SLC17A2: variants seen among roughly 807,000 people sequenced by gnomAD.
The protein encoded by SLC17A2 is sodium-dependent phosphate transport protein 3.
A neutral mutation model predicts 52.1 loss-of-function variants in SLC17A2; 38 were observed. The observed-to-expected ratio is 0.73, with a 90% CI of 0.56 to 0.96. The LOEUF is 0.96. Ranked by LOEUF, SLC17A2 falls within the 40% of genes least tolerant of loss-of-function variation. The pLI is 0.00. For missense variants in SLC17A2, 508 were observed against 583.9 expected, an observed-to-expected ratio of 0.87 and a Z score of 1.34; for synonymous variants, 226 against 211.9, an observed-to-expected ratio of 1.07 and a Z score of -0.58.
At chr6:25,926,658 C>T (rs1341201296) in intron 1 of SLC17A2, among the ~76,000 whole-genome samples, 1 of 152,140 alleles carries the variant, frequency 6.6e-6, no homozygotes, top group African/African-American at 2.4e-5. Context: ...AGGAAAAATC[C>T]ATATCCTAAG....
chr6:25,919,435 C>T (rs560882060), intron 5 of SLC17A2, among the ~76,000 whole-genome samples: 15 of 151,918 alleles, frequency 9.9e-5, no homozygotes, highest in South Asian at 6.2e-4. Flanking sequence ...TGGCCGGGCG[C>T]GGTGGCTCAC....
chr6:25,923,117 G>T (rs1766620395), intron 3 of SLC17A2, among the ~76,000 whole-genome samples: 1 of 152,120 alleles, frequency 6.6e-6, no homozygotes, highest in Non-Finnish European at 1.5e-5. Context: ...AACCCGGGAG[G>T]CGGAGGCTGC....
chr6:25,916,902 C>G (rs143243750), intron 7 of SLC17A2, 56 bp from the exon 8 acceptor site: 16,778 of 1,610,614 alleles, frequency 0.01, 120 homozygotes, highest in Non-Finnish European at 0.011. Context: ...TGGTGCCTCT[C>G]AGAGGAGATC....
In SLC17A2 at chr6:25,914,586, G is replaced by C. The variant is rs1310497277; in HGVS notation, c.1296C>G (p.Ile432Met). 3.1e-6 allele frequency: 5 copies of C among 1,607,324 alleles called. No individual in the cohort carries two copies. The Admixed American group carries it at 6.7e-5, about 21-fold the overall frequency. The change falls in exon 11 of 12, where the codon ATC becomes ATG. Residue 432 changes from isoleucine to methionine, a missense_variant. By Grantham distance (10) the Ile-to-Met change is conservative. Coordinates refer to ENST00000377850, the MANE Select transcript of SLC17A2 (RefSeq NM_001286123.3). ...IISSTATGFL[I>M]SQDFESGWRN... is the part of the protein sequence containing the mutation. ...TTCAATAAACTGGCCCAACCTGACT[G>C]ATGAGGAATCCAGTGGCAGTGGAAG... is the stretch of plus-strand genomic sequence containing the variant.
intron 6 of SLC17A2, among the ~76,000 whole-genome samples, chr6:25,917,939 T>C (rs1766392733): frequency 6.6e-6 from 1 of 152,148 alleles, no homozygotes; most frequent in Admixed American, 6.5e-5. Flanking sequence ...AATAAATAAT[T>C]ACACACCAAC....
chr6:25,916,946 C>T (rs1351805733), intron 7 of SLC17A2, 23 bp downstream of exon 7: 2 of 1,602,910 alleles, frequency 1.2e-6, no homozygotes, highest in African/African-American at 2.7e-5. Flanking sequence ...GCATGGGCCA[C>T]AGGTACAAGG....
chr6:25,915,750 A>C lies in SLC17A2; in HGVS notation c.1049T>G (p.Leu350Arg). ...NLLRLITVRK[L>R]FSSLGLLLPS... ...CTTATCCTTACCAAGAGATGAAAAG[A>C]GCTTTCGCACAGTGATCAATCTGAG... The change falls in exon 9 of 12, where the codon CTC (leucine) becomes CGC (arginine). Residue 350 changes from leucine to arginine, a missense_variant. Transcript: ENST00000377850. The C allele has an allele frequency of 6.2e-7, 1 of 1,614,102 alleles. No homozygotes were observed. Among genetic ancestry groups the C allele is most frequent in the South Asian group, 1.1e-5 (1 of 91,060 alleles).
chr6:25,928,757 C>T (rs138068523), intron 1 of SLC17A2, among the ~76,000 whole-genome samples: 9 of 152,192 alleles, frequency 5.9e-5, no homozygotes, highest in East Asian at 1.9e-4. Flanking sequence ...CTTAGAGACA[C>T]TGGAATAATT....
rs776481377 is a variant in SLC17A2, at chr6:25,915,821, T to C, written c.978A>G (p.Thr326=). ...AATCTGCCAGCTGACCTCCTAAAAT[T>C]GTACAGCTTGCAGCAGCAATAAAAG... The part of the protein sequence containing the change: ...SLPFIAAASC[T]ILGGQLADFL... Residue 326 remains threonine (T), a synonymous_variant, in exon 9 of 12, where the codon ACA becomes ACG. Coordinates refer to ENST00000377850, the MANE Select transcript of SLC17A2 (RefSeq NM_001286123.3). The C allele has an allele frequency of 3.1e-6, 5 of 1,614,042 alleles. No individual in the cohort carries two copies. In the South Asian group the frequency reaches 5.5e-5, roughly 18 times the overall value.
intron 6 of SLC17A2, among the ~76,000 whole-genome samples, chr6:25,917,329 A>T (rs769899338): frequency 6.6e-6 from 1 of 152,248 alleles, no homozygotes; most frequent in Non-Finnish European, 1.5e-5. Context: ...TGGAGATAAC[A>T]GGAGCGTGGC....
rs1047836577 is a variant in SLC17A2, at chr6:25,917,197, T to A, written c.650-110A>T. The A allele has an allele frequency of 1.6e-5, 12 of 759,424 alleles. No homozygotes were observed. The African/African-American group carries it at 2.1e-4, about 13-fold the overall frequency. The allele number at this position is 759,424 out of a possible 1,614,324, so 47.0% of individuals were successfully genotyped here. A position where few individuals can be genotyped will look rare whatever the true frequency, so the allele number is the denominator to read the frequency against. ...TTCTACACACTAATCAATTAATGCTTATTCTACCATAAGGACCTAAATGTT... is the reference window on the plus strand; with the variant it reads ...TTCTACACACTAATCAATTAATGCTAATTCTACCATAAGGACCTAAATGTT... On this transcript the variant is annotated intron_variant, in intron 6 of 11. Transcript: ENST00000377850.
Position 25,913,463 on chromosome 6 carries a change from A to G in SLC17A2, c.1303-12T>C. ...CCAGACTCAAAATCCTAGATGTAAA[A>G]AACAGAGAAAATGATCAATCTCACA... On this transcript the variant is annotated splice_polypyrimidine_tract_variant and intron_variant, in intron 11 of 11. Transcript: ENST00000377850. 2 of 1,613,084 alleles carry G rather than the reference A, an allele frequency of 1.2e-6. No individual in the cohort carries two copies. Among genetic ancestry groups the G allele is most frequent in the Non-Finnish European group, 1.7e-6 (2 of 1,179,254 alleles).
chr6:25,920,462 A>T (rs1766509942), intron 5 of SLC17A2, among the ~76,000 whole-genome samples: 1 of 152,142 alleles, frequency 6.6e-6, no homozygotes, highest in African/African-American at 2.4e-5. Context: ...AATTTTCTTA[A>T]TCTCCACCTT....
intron 3 of SLC17A2, among the ~76,000 whole-genome samples, chr6:25,923,436 T>C (rs915295962): frequency 3.7e-4 from 57 of 152,328 alleles, no homozygotes; most frequent in African/African-American, 1.1e-3. Context: ...TAGTTTTTCA[T>C]TGAAGACATC....
chr6:25,924,678 G>T (rs1243904679), intron 2 of SLC17A2, among the ~76,000 whole-genome samples: 1 of 151,846 alleles, frequency 6.6e-6, no homozygotes, highest in East Asian at 1.9e-4. Flanking sequence ...GCATGGTGAT[G>T]CATGCCTGTA....
chr6:25,928,949 T>C (rs1357486793), intron 1 of SLC17A2, among the ~76,000 whole-genome samples: 1 of 152,174 alleles, frequency 6.6e-6, no homozygotes, highest in Non-Finnish European at 1.5e-5. Context: ...TGACACAGTA[T>C]AGGTTGAATT....
intron 5 of SLC17A2, among the ~76,000 whole-genome samples, chr6:25,919,699 C>CAAAAATAAAAAA (rs1766474002): frequency 3.2e-5 from 1 of 31,144 alleles, no homozygotes; most frequent in Non-Finnish European, 6.2e-5. Context: ...GACACCGTCT[C>CAAAAATAAAAAA]AAAAAAAAAA....
intron 11 of SLC17A2, 149 bp from the exon 12 acceptor site, chr6:25,913,600 T>C (rs1766184796): frequency 6.7e-6 from 5 of 749,192 alleles, no homozygotes; most frequent in African/African-American, 1.7e-5. Flanking sequence ...TATGAAACTA[T>C]TGGAAACAAA....
chr6:25,916,646 C>A (rs770836728), intron 8 of SLC17A2, 39 bp downstream of exon 8: 3 of 1,537,458 alleles, frequency 2.0e-6, no homozygotes. Flanking sequence ...CTCCTTATTA[C>A]CATTATCATT....
Sources: allele counts gnomAD v4.1 joint callset (sites outside exome capture counted in the v4.1 genomes callset), GRCh38; gene constraint gnomAD v4.1.1; transcripts MANE v1.5; gene names NCBI Gene and HGNC (gene_info 2026-07-23, HGNC 2026-07-21).